Variants in SNX21 observed in about 807,000 individuals in gnomAD.
SNX21 encodes the protein sorting nexin-21.
SNX21 carries 36 observed loss-of-function variants against 30.9 expected under a neutral mutation model. The ratio of observed to expected loss-of-function variants is 1.16; its 90% CI spans 0.89 to 1.54. The LOEUF is 1.54. SNX21 is among the 40% of genes most tolerant of loss of function. SNX21 has a pLI of 0.00. For missense variants in SNX21, 508 were observed against 516.5 expected, an observed-to-expected ratio of 0.98 and a Z score of 0.16; for synonymous variants, 218 against 222.7, an observed-to-expected ratio of 0.98 and a Z score of 0.19.
rs1157939712 is a variant in SNX21 at position 45,834,098 on chromosome 20, C to T, written c.22-103C>T. ...ACTGCCAGGGGGTGGGGCCTCACCG[C>T]GCCCCTCCCTCTCCGGTTCGGGCCC... On this transcript the variant is annotated intron_variant, in intron 1 of 3. Transcript: ENST00000491381. 17 of 1,397,108 alleles carry T rather than the reference C, an allele frequency of 1.2e-5. No individual in the cohort carries two copies. The East Asian group carries it at 4.3e-4, about 35-fold the overall frequency. 86.5% of individuals were successfully genotyped at this position (1,397,108 alleles called of 1,614,324 possible).
At position 45,842,377 on chromosome 20, in the gene SNX21, C is replaced by T. The variant is rs197668; in HGVS notation, c.*1064C>T. ...CTCTGAGAACAGTCTCCTTCAACAG[C>T]TCGGCCAAGCAGAACTGCTGTACCT... On this transcript the variant is annotated 3_prime_UTR_variant, in exon 4 of 4. Coordinates refer to ENST00000491381, the MANE Select transcript of SNX21 (RefSeq NM_033421.4). The T allele has an allele frequency of 3.1e-6, 4 of 1,289,080 alleles. No individual in the cohort carries two copies. Among genetic ancestry groups the T allele is most frequent in the East Asian group, 3.4e-5 (1 of 29,530 alleles). 79.9% of individuals were successfully genotyped at this position (1,289,080 alleles called of 1,614,324 possible).
intron 3 of SNX21, chr20:45,840,272 A>T: frequency 6.7e-7 from 1 of 1,484,402 alleles, no homozygotes; most frequent in Non-Finnish European, 8.9e-7. Context: ...CTGGTCCTAA[A>T]GGAGCCCCAA....
intron 3 of SNX21, among the ~76,000 whole-genome samples, chr20:45,839,065 GC>G (rs1983783880): frequency 6.6e-6 from 1 of 151,966 alleles, no homozygotes; most frequent in East Asian, 2.0e-4. Context: ...GGCTAATTTT[GC>G]ATTTTTAGTA....
chr20:45,842,098 C>T lies in SNX21; in HGVS notation c.*785C>T. On this transcript the variant is annotated 3_prime_UTR_variant, in exon 4 of 4. Coordinates refer to ENST00000491381, the MANE Select transcript of SNX21 (RefSeq NM_033421.4). ...TCAAGGGATCCTCCCGCCTCAGCCT[C>T]CTGAGCAGCTGGGATTACAGGCGCA... 6.5e-7 allele frequency: 1 copy of T among 1,536,846 alleles called. No homozygotes were observed. The highest frequency in any genetic ancestry group is 8.7e-7 in the Non-Finnish European group (1 of 1,146,782).
At position 45,841,161 on chromosome 20, in the gene SNX21, C is replaced by G; in HGVS notation, c.970C>G (p.Pro324Ala). ...GDKSLHPLLA[P>A]FLEAHVRLSW... ...CAAGAGCCTCCACCCTTTGCTGGCA[C>G]CCTTTCTGGAGGCCCATGTCCGGCT... The change falls in exon 4 of 4, where the codon CCC becomes GCC. Residue 324 changes from proline (P) to alanine (A), a missense_variant. Coordinates refer to ENST00000491381, the MANE Select transcript of SNX21 (RefSeq NM_033421.4). The G allele has an allele frequency of 6.2e-7, 1 of 1,613,772 alleles. No individual in the cohort carries two copies. Among genetic ancestry groups the G allele is most frequent in the South Asian group, 1.1e-5 (1 of 91,076 alleles).
At position 45,840,748 on chromosome 20, in the gene SNX21, T is replaced by C; in HGVS notation, c.557T>C (p.Phe186Ser). ...ERLHRNLQRQ[F>S]RGPMAAISFP... is the part of the protein sequence containing the mutation. ...CTGCACCGAAACCTGCAGCGGCAAT[T>C]CCGGGGCCCAATGGCTGCCATCTCC... Residue 186 changes from phenylalanine (F) to serine (S), a missense_variant, in exon 4 of 4, where the codon TTC becomes TCC. Coordinates refer to ENST00000491381, the MANE Select transcript of SNX21 (RefSeq NM_033421.4). 1.2e-6 allele frequency: 2 copies of C among 1,614,122 alleles called. No individual in the cohort carries two copies. Among genetic ancestry groups the C allele is most frequent in the Non-Finnish European group, 1.7e-6 (2 of 1,180,030 alleles).
Position 45,834,260 on chromosome 20 carries a change from C to G in SNX21, c.81C>G (p.Pro27=), listed in dbSNP as rs1249002444. ...GGCACGCCTTGGCCGGCGACGGCCCCGGGGAGGCGGCGGCCAGTCCAGAGG... is the reference window on the plus strand; with the variant it reads ...GGCACGCCTTGGCCGGCGACGGCCCGGGGGAGGCGGCGGCCAGTCCAGAGG... ...RLRHALAGDG[P]GEAAASPEAE... is the part of the protein sequence containing the mutation. Residue 27 remains proline (P), a synonymous_variant, in exon 2 of 4, where the codon CCC becomes CCG. Transcript: ENST00000491381. 6.3e-7 allele frequency: 1 copy of G among 1,581,502 alleles called. No homozygotes were observed. The highest frequency in any genetic ancestry group is 8.5e-7 in the Non-Finnish European group (1 of 1,170,686).
At position 45,841,581 on chromosome 20, in the gene SNX21, G is replaced by C; in HGVS notation, c.*268G>C. Reference sequence around the variant, plus strand: ...GCCGGGGGGCTGTGGCACAGGTTGGGGCAATGTTCCCTTGTTGGTGGGCCC... The same window carrying C: ...GCCGGGGGGCTGTGGCACAGGTTGGCGCAATGTTCCCTTGTTGGTGGGCCC... On this transcript the variant is annotated 3_prime_UTR_variant, in exon 4 of 4. Coordinates refer to ENST00000491381, the MANE Select transcript of SNX21 (RefSeq NM_033421.4). The C allele has an allele frequency of 7.1e-7, 1 of 1,400,330 alleles. No individual in the cohort carries two copies. Among genetic ancestry groups the C allele is most frequent in the Non-Finnish European group, 9.2e-7 (1 of 1,085,184 alleles). The allele number at this position is 1,400,330 out of a possible 1,614,324, so 86.7% of individuals were successfully genotyped here.
Position 45,842,546 on chromosome 20 carries a change from G to C in SNX21, c.*1233G>C. On this transcript the variant is annotated 3_prime_UTR_variant, in exon 4 of 4. Coordinates refer to ENST00000491381, the MANE Select transcript of SNX21 (RefSeq NM_033421.4). ...AGAAGAGAGGACTTGAGGCCATGAG[G>C]TCTGGCCTCTTCCCTCCCCATCTGG... 3 of 1,003,024 alleles carry C rather than the reference G, an allele frequency of 3.0e-6. No homozygotes were observed. The highest frequency in any genetic ancestry group is 3.6e-6 in the Non-Finnish European group (3 of 840,570). The allele number at this position is 1,003,024 out of a possible 1,614,324, so 62.1% of individuals were successfully genotyped here. A position where few individuals can be genotyped will look rare whatever the true frequency, so the allele number is the denominator to read the frequency against.
chr20:45,839,254 A>G (rs529393746), intron 3 of SNX21, among the ~76,000 whole-genome samples: 43 of 152,118 alleles, frequency 2.8e-4, no homozygotes, highest in South Asian at 8.3e-4. Flanking sequence ...GGTGGCTCAC[A>G]CCTATAATCC....
At chr20:45,840,248 G>C in intron 3 of SNX21, 1 of 1,447,252 alleles carries the variant, frequency 6.9e-7, no homozygotes, top group East Asian at 2.5e-5. Flanking sequence ...GTCCAAAGTG[G>C]AACAAGCTCC....
intron 3 of SNX21, among the ~76,000 whole-genome samples, chr20:45,835,341 C>T (rs1983441108): frequency 6.6e-6 from 1 of 152,176 alleles, no homozygotes; most frequent in African/African-American, 2.4e-5. Context: ...TTCCTCTTAA[C>T]CTGGTTTTGA....
rs1983228463 is a variant in SNX21 at position 45,833,899 on chromosome 20, T to G, written c.-21T>G. On this transcript the variant is annotated 5_prime_UTR_variant, in exon 1 of 4. Coordinates refer to ENST00000491381, the MANE Select transcript of SNX21 (RefSeq NM_033421.4). Reference sequence around the variant, plus strand: ...CTGCGGGGGGCTGCACCCGGACCCCTGGGGCGCGGCGCGCCCCTGAATGCA... The same window carrying G: ...CTGCGGGGGGCTGCACCCGGACCCCGGGGGCGCGGCGCGCCCCTGAATGCA... 6.5e-6 allele frequency: 9 copies of G among 1,380,368 alleles called. No individual in the cohort carries two copies. Among genetic ancestry groups the G allele is most frequent in the Non-Finnish European group, 8.4e-6 (9 of 1,067,438 alleles). The allele number at this position is 1,380,368 out of a possible 1,614,324, so 85.5% of individuals were successfully genotyped here. A position where few individuals can be genotyped will look rare whatever the true frequency, so the allele number is the denominator to read the frequency against.
At position 45,840,744 on chromosome 20, in the gene SNX21, C is replaced by G; in HGVS notation, c.553C>G (p.Gln185Glu). Residue 185 changes from glutamine to glutamate, a missense_variant, in exon 4 of 4, where the codon CAA (glutamine) becomes GAA (glutamate). Gln to Glu is a conservative substitution (Grantham distance 29). Coordinates refer to ENST00000491381, the MANE Select transcript of SNX21 (RefSeq NM_033421.4). ...GCGGCTGCACCGAAACCTGCAGCGG[C>G]AATTCCGGGGCCCAATGGCTGCCAT... ...FERLHRNLQR[Q>E]FRGPMAAISF... is the part of the protein sequence containing the mutation. 1 of 1,614,198 alleles carries G rather than the reference C, an allele frequency of 6.2e-7. No individual in the cohort carries two copies. Among genetic ancestry groups the G allele is most frequent in the South Asian group, 1.1e-5 (1 of 91,092 alleles).
Position 45,842,700 on chromosome 20 carries a change from C to T in SNX21, c.*1387C>T, listed in dbSNP as rs776241960. The T allele has an allele frequency of 2.0e-6, 2 of 989,080 alleles. No individual in the cohort carries two copies. Among genetic ancestry groups the T allele is most frequent in the Non-Finnish European group, 2.4e-6 (2 of 832,198 alleles). 61.3% of individuals were successfully genotyped at this position (989,080 alleles called of 1,614,324 possible). A position where few individuals can be genotyped will look rare whatever the true frequency, so the allele number is the denominator to read the frequency against. Reference sequence around the variant, plus strand: ...CCAAATGAAGCAGTTATGTGTTGTCCAGTTTTCCAGACCAGGACTGAAATC... The same window carrying T: ...CCAAATGAAGCAGTTATGTGTTGTCTAGTTTTCCAGACCAGGACTGAAATC... On this transcript the variant is annotated 3_prime_UTR_variant, in exon 4 of 4. Transcript: ENST00000491381.
Position 45,841,931 on chromosome 20 carries a change from C to A in SNX21, c.*618C>A, listed in dbSNP as rs368111029. On this transcript the variant is annotated 3_prime_UTR_variant, in exon 4 of 4. Coordinates refer to ENST00000491381, the MANE Select transcript of SNX21 (RefSeq NM_033421.4). ...GGACTCCATCCTGACGCCACAGCCG[C>A]CCATGGACCAGCCCCCGAGAGCCAC... is the stretch of plus-strand genomic sequence containing the variant. 1 of 1,613,248 alleles carries A rather than the reference C, an allele frequency of 6.2e-7. No individual in the cohort carries two copies. Among genetic ancestry groups the A allele is most frequent in the Non-Finnish European group, 8.5e-7 (1 of 1,179,974 alleles).
Position 45,839,526 on chromosome 20 carries a change from A to G in SNX21, c.448-1113A>G, listed in dbSNP as rs182049463. ...GCAACAGAGCGAGACTCCGTCTCAA[A>G]AAAAATAAAAAAATAAAAAAACCCC... On this transcript the variant is annotated intron_variant, in intron 3 of 3. Transcript: ENST00000491381. Among the ~76,000 whole-genome samples, 45 of 152,038 alleles carry G rather than the reference A, an allele frequency of 3.0e-4. No homozygotes were observed. In the South Asian group the frequency reaches 6.9e-3, roughly 23 times the overall value.
At chr20:45,835,160 T>G (rs746044472) in intron 3 of SNX21, 44 bp downstream of exon 3, 1 of 1,562,262 alleles carries the variant, frequency 6.4e-7, no homozygotes. Context: ...TCCAGAAGTA[T>G]GGCTAGGAGC....
Position 45,833,908 on chromosome 20 carries a change from G to T in SNX21, c.-12G>T. Reference sequence around the variant, plus strand: ...GCTGCACCCGGACCCCTGGGGCGCGGCGCGCCCCTGAATGCACCGTGGGAC... The same window carrying T: ...GCTGCACCCGGACCCCTGGGGCGCGTCGCGCCCCTGAATGCACCGTGGGAC... On this transcript the variant is annotated 5_prime_UTR_variant, in exon 1 of 4. Coordinates refer to ENST00000491381, the MANE Select transcript of SNX21 (RefSeq NM_033421.4). 7.2e-7 allele frequency: 1 copy of T among 1,382,306 alleles called. No homozygotes were observed. Among genetic ancestry groups the T allele is most frequent in the East Asian group, 3.0e-5 (1 of 33,316 alleles). 85.6% of individuals were successfully genotyped at this position (1,382,306 alleles called of 1,614,324 possible).
Sources: allele counts gnomAD v4.1 joint callset (sites outside exome capture counted in the v4.1 genomes callset), GRCh38; gene constraint gnomAD v4.1.1; transcripts MANE v1.5; gene names NCBI Gene and HGNC (gene_info 2026-07-23, HGNC 2026-07-21).